SLC35A2: variants seen among roughly 807,000 people sequenced by gnomAD.
The protein encoded by SLC35A2 is solute carrier family 35 member A2.
SLC35A2 carries 1 observed loss-of-function variant against 17.3 expected under a neutral mutation model. The observed-to-expected ratio is 0.06, with a 90% CI of 0.02 to 0.27. The LOEUF (loss-of-function observed/expected upper bound fraction) is 0.27. SLC35A2 is among the 10% of genes least tolerant of loss of function. The pLI is 1.00. For synonymous variants in SLC35A2, 161 were observed against 161.3 expected, an observed-to-expected ratio of 1.00 and a Z score of 0.01; for missense variants, 191 against 339.3, an observed-to-expected ratio of 0.56 and a Z score of 3.43.
intron 2 of SLC35A2, among the ~76,000 whole-genome samples, chrX:48,909,205 G>A (rs926776909): frequency 6.2e-5 from 7 of 112,218 alleles, no homozygotes; most frequent in Admixed American, 5.7e-4. Context: ...GGCGGATCAC[G>A]AGGTCAGGAG....
At chrX:48,903,592 G>C in intron 4 of SLC35A2, 127 bp from the exon 5 acceptor site, 1 of 571,828 alleles carries the variant, frequency 1.7e-6, no homozygotes, top group East Asian at 3.6e-5. Context: ...TGCCCACCTG[G>C]TCAGAAAGCT....
At chrX:48,906,613 C>A in intron 2 of SLC35A2, 70 bp from the exon 3 acceptor site, 1 of 1,035,357 alleles carries the variant, frequency 9.7e-7, no homozygotes, top group Non-Finnish European at 1.3e-6. Context: ...AGGCTGGGAA[C>A]AGGCCTTGCT....
chrX:48,907,748 G>T (rs782330847), intron 2 of SLC35A2, among the ~76,000 whole-genome samples: 4 of 112,095 alleles, frequency 3.6e-5, no homozygotes, highest in African/African-American at 1.3e-4. Flanking sequence ...CGGGCTGGGC[G>T]CAGTGGCTCA....
upstream of SLC35A2, chrX:48,911,806 C>G: frequency 3.4e-6 from 4 of 1,167,653 alleles, no homozygotes; most frequent in Non-Finnish European, 3.4e-6. Flanking sequence ...CCCGGGATTT[C>G]CAAATTCCGT....
rs782485193 is a variant in SLC35A2 at position 48,904,927 on chromosome X, C to T, written c.982G>A (p.Ala328Thr). Residue 328 changes from alanine (A) to threonine (T), a missense_variant, in exon 4 of 5, where the codon GCT becomes ACT. Physicochemically the swap from Ala to Thr is moderately conservative, Grantham distance 58. This residue lies in a region of SLC35A2 where 164 missense variants were observed against 315.3 expected (regional missense o/e 0.52). Transcript: ENST00000247138. ...FHVDPLFALG[A>T]GLVIGAVYLY... ...TAGACAGCACCAATGACGAGTCCAGCGCCAAGGGCAAATAATGGGTCCACG... is the reference window on the plus strand; with the variant it reads ...TAGACAGCACCAATGACGAGTCCAGTGCCAAGGGCAAATAATGGGTCCACG... 2.5e-6 allele frequency: 3 copies of T among 1,210,469 alleles called. No homozygotes were observed. The East Asian group carries it at 8.9e-5, about 36-fold the overall frequency.
At chrX:48,910,157 C>T in intron 1 of SLC35A2, 161 bp from the exon 2 acceptor site, 5 of 916,135 alleles carry the variant, frequency 5.5e-6, no homozygotes, top group Non-Finnish European at 7.6e-6. Context: ...GGTCTGACTC[C>T]TACCGGCTTA....
At chrX:48,908,299 A>G (rs2063506703) in intron 2 of SLC35A2, among the ~76,000 whole-genome samples, 1 of 109,685 alleles carries the variant, frequency 9.1e-6, no homozygotes, top group African/African-American at 3.3e-5. Context: ...TATTTTTAGT[A>G]GAGACGGGGT....
At chrX:48,911,676 A>C, upstream of SLC35A2, 1 of 1,152,403 alleles carries the variant, frequency 8.7e-7, no homozygotes, top group Non-Finnish European at 1.2e-6. Context: ...CAACAGAAAA[A>C]CCACTTCCGC....
chrX:48,904,184 A>G, intron 4 of SLC35A2: 1 of 789,461 alleles, frequency 1.3e-6, no homozygotes, highest in African/African-American at 2.2e-5. Context: ...TCTTCAAGGT[A>G]TCAAGGAAGC....
At chrX:48,905,590 G>C (rs781914967) in intron 3 of SLC35A2, 108 bp from the exon 4 acceptor site, 4 of 760,111 alleles carry the variant, frequency 5.3e-6, no homozygotes, top group South Asian at 6.2e-5. Flanking sequence ...GGGACAGGGT[G>C]GGGGGTATGA....
At chrX:48,903,515 G>T (rs782287282) in intron 4 of SLC35A2, 50 bp from the exon 5 acceptor site, 3 of 567,188 alleles carry the variant, frequency 5.3e-6, no homozygotes, top group Non-Finnish European at 9.7e-6. Context: ...GGCTAGGCTG[G>T]CAGGCGGGTT....
chrX:48,903,253 G>C lies in SLC35A2; in HGVS notation c.*185C>G. On this transcript the variant is annotated 3_prime_UTR_variant, in exon 5 of 5. Coordinates refer to ENST00000247138, the MANE Select transcript of SLC35A2 (RefSeq NM_005660.3). ...TAGTGTGGAGCTGGCAGGGGCTGGG[G>C]GGCTGAGCTGAGGTGGGTCATGAGA... 1.1e-6 allele frequency: 1 copy of C among 920,575 alleles called. No homozygotes were observed. Among genetic ancestry groups the C allele is most frequent in the Non-Finnish European group, 1.5e-6 (1 of 650,432 alleles). 75.9% of individuals were successfully genotyped at this position (920,575 alleles called of 1,213,427 possible).
At chrX:48,906,365 T>C in intron 3 of SLC35A2, 27 bp downstream of exon 3, 1 of 1,201,817 alleles carries the variant, frequency 8.3e-7, no homozygotes, top group East Asian at 3.0e-5. Context: ...TTAGTTCCTC[T>C]GGGGCCATGC....
upstream of SLC35A2, chrX:48,911,839 G>A (rs1462938684): frequency 2.6e-6 from 3 of 1,165,962 alleles, no homozygotes; most frequent in African/African-American, 3.6e-5. Flanking sequence ...CCGGGGACAC[G>A]GCCCGATCGG....
At position 48,904,919 on chromosome X, in the gene SLC35A2, G is replaced by A. The variant is rs146079657; in HGVS notation, c.990C>T (p.Leu330=). 1,048 of 1,208,994 alleles carry A rather than the reference G, an allele frequency of 8.7e-4. No homozygotes were observed. The highest frequency in any genetic ancestry group is 1.1e-3 in the Non-Finnish European group (960 of 894,343). Residue 330 remains leucine, a synonymous_variant, in exon 4 of 5, where the codon CTC becomes CTT. Transcript: ENST00000247138. The part of the protein sequence containing the change: ...VDPLFALGAG[L]VIGAVYLYSL... ...TGTAGAGGTAGACAGCACCAATGAC[G>A]AGTCCAGCGCCAAGGGCAAATAATG... is the stretch of plus-strand genomic sequence containing the variant.
In SLC35A2 at chrX:48,905,389, G is replaced by A. The variant is rs2063483417; in HGVS notation, c.520C>T (p.Leu174Phe). ...LSRLQWASLL[L>F]LFTGVAIVQA... Reference sequence around the variant, plus strand: ...ACAATGGCGACGCCAGTGAAGAGGAGCAGCAGGGAGGCCCACTGCAGCCGG... The same window carrying A: ...ACAATGGCGACGCCAGTGAAGAGGAACAGCAGGGAGGCCCACTGCAGCCGG... The change falls in exon 4 of 5, where the codon CTC becomes TTC. Residue 174 changes from leucine to phenylalanine, a missense_variant. This residue lies in a region of SLC35A2 where 164 missense variants were observed against 315.3 expected (regional missense o/e 0.52). Transcript: ENST00000247138. 1 of 1,197,034 alleles carries A rather than the reference G, an allele frequency of 8.4e-7. No individual in the cohort carries two copies. The highest frequency in any genetic ancestry group is 1.7e-5 in the African/African-American group (1 of 57,893).
intron 2 of SLC35A2, among the ~76,000 whole-genome samples, chrX:48,909,053 A>G (rs1557043502): frequency 8.9e-6 from 1 of 112,516 alleles, no homozygotes; most frequent in African/African-American, 3.2e-5. Context: ...CCCAAAGTCT[A>G]CAAAACAAAT....
chrX:48,904,575 A>AC, intron 4 of SLC35A2, 171 bp downstream of exon 4: 1 of 1,195,192 alleles, frequency 8.4e-7, no homozygotes, highest in East Asian at 3.1e-5. Context: ...CTAGTCCCAC[A>AC]CCCCTCCAGA....
intron 2 of SLC35A2, among the ~76,000 whole-genome samples, chrX:48,907,588 A>G (rs1004968573): frequency 4.5e-5 from 5 of 111,899 alleles, no homozygotes; most frequent in Admixed American, 3.8e-4. Context: ...TCACTGACCC[A>G]TGTGCCGTCT....
Sources: gnomAD v4.1 joint callset for allele counts (sites outside exome capture counted in the v4.1 genomes callset) on GRCh38, gnomAD v4.1.1 for gene constraint, gnomAD v4.1.1 regional missense constraint, MANE v1.5 for transcripts, NCBI Gene and HGNC (gene_info 2026-07-23, HGNC 2026-07-21) for gene names.